The following COX8A variants were observed in gnomAD, a reference collection of about 807,000 sequenced individuals.
COX8A encodes the protein cytochrome c oxidase subunit 8A.
A neutral mutation model predicts 4.4 loss-of-function variants in COX8A; 6 were observed. The observed-to-expected ratio is 1.36, with a 90% CI of 0.74 to 2.68. The LOEUF is 2.68. Among genes scored for constraint, COX8A ranks in the 30% most tolerant of loss-of-function variants. The probability of loss-of-function intolerance (pLI) is 0.00; values close to 1 mark genes in which losing one functional copy is unlikely to be tolerated. For synonymous variants in COX8A, 53 were observed against 47.1 expected, an observed-to-expected ratio of 1.12 and a Z score of -0.51; for missense variants, 72 against 89.6, an observed-to-expected ratio of 0.80 and a Z score of 0.79.
chr11:63,976,302 C>A lies in COX8A; in HGVS notation c.192C>A (p.Thr64=). The change falls in exon 2 of 2, where the codon ACC becomes ACA. Residue 64 remains threonine (T), a synonymous_variant. Coordinates refer to ENST00000314133, the MANE Select transcript of COX8A (RefSeq NM_004074.3). The stretch of plus-strand genomic sequence containing the variant: ...GCTGGATCCTGTCACACCTGGAGAC[C>A]TACAGGAGGCCAGAGTGAAGGGGTC... ...PAGWILSHLE[T]YRRPE is the part of the protein sequence containing the mutation. 2 of 1,614,188 alleles carry A rather than the reference C, an allele frequency of 1.2e-6. No homozygotes were observed. Among genetic ancestry groups the A allele is most frequent in the Non-Finnish European group, 1.7e-6 (2 of 1,180,024 alleles).
chr11:63,975,591 T>G (rs1942533104), intron 1 of COX8A, among the ~76,000 whole-genome samples: 1 of 151,930 alleles, frequency 6.6e-6, no homozygotes, highest in Non-Finnish European at 1.5e-5. Flanking sequence ...TGTTTGTTTT[T>G]TTGAGACGGA....
chr11:63,974,677 C>A lies in COX8A; in HGVS notation c.-4C>A, dbSNP rs1423982998. The A allele has an allele frequency of 1.2e-6, 2 of 1,603,216 alleles. No homozygotes were observed. Among genetic ancestry groups the A allele is most frequent in the Non-Finnish European group, 1.7e-6 (2 of 1,174,594 alleles). ...CCGTTTTTTGTGGTGTACTCCGTGC[C>A]ATCATGTCCGTCCTGACGCCGCTGC... On this transcript the variant is annotated 5_prime_UTR_variant, in exon 1 of 2. Transcript: ENST00000314133.
intron 1 of COX8A, among the ~76,000 whole-genome samples, chr11:63,975,984 T>A (rs1942536605): frequency 6.6e-6 from 1 of 152,128 alleles, no homozygotes; most frequent in Non-Finnish European, 1.5e-5. Context: ...TGTCTCTCCT[T>A]CCTCTCACTC....
intron 1 of COX8A, 142 bp downstream of exon 1, chr11:63,974,936 C>T (rs1026120189): frequency 2.8e-5 from 21 of 750,964 alleles, no homozygotes; most frequent in Non-Finnish European, 4.1e-5. Context: ...GTCTGGAGGG[C>T]GCGAACGACG....
At position 63,974,722 on chromosome 11, in the gene COX8A, C is replaced by T; in HGVS notation, c.42C>T (p.Gly14=). The change falls in exon 1 of 2, where the codon GGC becomes GGT. Residue 14 remains glycine, a synonymous_variant. Transcript: ENST00000314133. The part of the protein sequence containing the change: ...LTPLLLRGLT[G]SARRLPVPRA... ...CGCTGCTGCTGCGGGGCTTGACAGG[C>T]TCGGCCCGGCGGCTCCCAGTGCCGC... is the stretch of plus-strand genomic sequence containing the variant. 6.2e-7 allele frequency: 1 copy of T among 1,608,524 alleles called. No homozygotes were observed. Among genetic ancestry groups the T allele is most frequent in the Non-Finnish European group, 8.5e-7 (1 of 1,177,882 alleles).
In COX8A at chr11:63,976,427, TC is replaced by T. The variant is rs1942541700; in HGVS notation, c.*109del. The T allele has an allele frequency of 1.0e-6, 1 of 972,972 alleles. No individual in the cohort carries two copies. The highest frequency in any genetic ancestry group is 1.9e-5 in the Admixed American group (1 of 52,218). 60.3% of individuals were successfully genotyped at this position (972,972 alleles called of 1,614,324 possible). A position where few individuals can be genotyped will look rare whatever the true frequency, so the allele number is the denominator to read the frequency against. ...CCTCCCCTGGATCATGTCATTCAAT[TC>T]CAGTCACCTCTTCTGCAATCATGAC... On this transcript the variant is annotated 3_prime_UTR_variant, in exon 2 of 2. Coordinates refer to ENST00000314133, the MANE Select transcript of COX8A (RefSeq NM_004074.3).
chr11:63,976,192 T>C, intron 1 of COX8A, 33 bp from the exon 2 acceptor site: 1 of 1,595,148 alleles, frequency 6.3e-7, no homozygotes, highest in South Asian at 1.1e-5. Flanking sequence ...GAATACTGAC[T>C]CCGAGGTGCC....
At position 63,976,343 on chromosome 11, in the gene COX8A, ACT is replaced by A. The variant is rs778677693; in HGVS notation, c.*24_*25del. The A allele has an allele frequency of 7.5e-6, 12 of 1,607,622 alleles. No individual in the cohort carries two copies. The African/African-American group carries it at 9.4e-5, about 13-fold the overall frequency. On this transcript the variant is annotated 3_prime_UTR_variant, in exon 2 of 2. Transcript: ENST00000314133. ...TGAAGGGGTCCGTTCTGTCCCTCAC[ACT>A]GTGACCTGACCAGCCCCACCGGCCC...
chr11:63,974,918 T>A, intron 1 of COX8A, 124 bp downstream of exon 1: 1 of 924,398 alleles, frequency 1.1e-6, no homozygotes, highest in African/African-American at 1.7e-5. Flanking sequence ...CAGTGCCGGT[T>A]TGGGCATGTC....
Position 63,976,486 on chromosome 11 carries a change from G to T in COX8A, c.*166G>T. On this transcript the variant is annotated 3_prime_UTR_variant, in exon 2 of 2. Transcript: ENST00000314133. ...TGTCTCCATGGTGACCTCCTTGGGG[G>T]TCACTGACCCTGCTTGGTGGGGTCC... 1.6e-6 allele frequency: 1 copy of T among 631,276 alleles called. No individual in the cohort carries two copies. The highest frequency in any genetic ancestry group is 2.8e-6 in the Non-Finnish European group (1 of 358,612). 39.1% of individuals were successfully genotyped at this position (631,276 alleles called of 1,614,324 possible).
At chr11:63,975,486 GTT>G (rs1942532245) in intron 1 of COX8A, among the ~76,000 whole-genome samples, 1 of 151,614 alleles carries the variant, frequency 6.6e-6, no homozygotes, top group South Asian at 2.1e-4. Flanking sequence ...CTGGGAGGGG[GTT>G]TTCAGGCAAG....
intron 1 of COX8A, among the ~76,000 whole-genome samples, chr11:63,975,092 A>T (rs535050051): frequency 1.4e-4 from 21 of 151,592 alleles, no homozygotes; most frequent in African/African-American, 4.8e-4. Context: ...AGCCGCTCTG[A>T]GCCCATTTTC....
intron 1 of COX8A, 34 bp downstream of exon 1, chr11:63,974,828 C>G: frequency 6.5e-7 from 1 of 1,536,086 alleles, no homozygotes; most frequent in Non-Finnish European, 8.8e-7. Context: ...GCGGGAGGCG[C>G]CGTGGGCTGA....
In COX8A at chr11:63,976,420, AT is replaced by A. The variant is rs1280297500; in HGVS notation, c.*102del. The A allele has an allele frequency of 1.9e-6, 2 of 1,068,942 alleles. No individual in the cohort carries two copies. The highest frequency in any genetic ancestry group is 2.9e-6 in the Non-Finnish European group (2 of 700,430). 66.2% of individuals were successfully genotyped at this position (1,068,942 alleles called of 1,614,324 possible). ...TGGCCGGCCTCCCCTGGATCATGTC[AT>A]TCAATTCCAGTCACCTCTTCTGCAA... is the stretch of plus-strand genomic sequence containing the variant. On this transcript the variant is annotated 3_prime_UTR_variant, in exon 2 of 2. Coordinates refer to ENST00000314133, the MANE Select transcript of COX8A (RefSeq NM_004074.3).
At position 63,976,250 on chromosome 11, in the gene COX8A, G is replaced by C; in HGVS notation, c.140G>C (p.Cys47Ser). 6.2e-7 allele frequency: 1 copy of C among 1,614,180 alleles called. No homozygotes were observed. The highest frequency in any genetic ancestry group is 8.5e-7 in the Non-Finnish European group (1 of 1,180,042). Residue 47 changes from cysteine to serine, a missense_variant, in exon 2 of 2, where the codon TGC becomes TCC. By Grantham distance (112) the Cys-to-Ser change is moderately radical. Coordinates refer to ENST00000314133, the MANE Select transcript of COX8A (RefSeq NM_004074.3). ...GAATTGGCCGTTGGGCTTACCTCCT[G>C]CTTCGTGACCTTCCTCCTGCCAGCG... is the stretch of plus-strand genomic sequence containing the variant. ...IMELAVGLTS[C>S]FVTFLLPAGW...
rs761946856 is a variant in COX8A, at chr11:63,974,694, C to T, written c.14C>T (p.Thr5Met). The T allele has an allele frequency of 2.5e-6, 4 of 1,608,146 alleles. No homozygotes were observed. In the African/African-American group the frequency reaches 5.3e-5, roughly 21 times the overall value. Residue 5 changes from threonine to methionine, a missense_variant, in exon 1 of 2, where the codon ACG becomes ATG. By Grantham distance (81) the Thr-to-Met change is moderately conservative. Coordinates refer to ENST00000314133, the MANE Select transcript of COX8A (RefSeq NM_004074.3). ...CTCCGTGCCATCATGTCCGTCCTGA[C>T]GCCGCTGCTGCTGCGGGGCTTGACA... is the stretch of plus-strand genomic sequence containing the variant. Reference protein sequence around the residue: MSVLTPLLLRGLTGS... With the variant: MSVLMPLLLRGLTGS...
At position 63,974,671 on chromosome 11, in the gene COX8A, C is replaced by T. The variant is rs1390519410; in HGVS notation, c.-10C>T. ...GGCTGACCGTTTTTTGTGGTGTACT[C>T]CGTGCCATCATGTCCGTCCTGACGC... On this transcript the variant is annotated 5_prime_UTR_variant, in exon 1 of 2. Transcript: ENST00000314133. 3 of 1,598,718 alleles carry T rather than the reference C, an allele frequency of 1.9e-6. No homozygotes were observed. The highest frequency in any genetic ancestry group is 2.6e-6 in the Non-Finnish European group (3 of 1,172,092).
At chr11:63,974,840 C>T in intron 1 of COX8A, 46 bp downstream of exon 1, 1 of 1,492,746 alleles carries the variant, frequency 6.7e-7, no homozygotes, top group Non-Finnish European at 9.0e-7. Flanking sequence ...GTGGGCTGAC[C>T]CCTTCTGCCT....
At chr11:63,974,867 T>A in intron 1 of COX8A, 73 bp downstream of exon 1, 1 of 1,307,774 alleles carries the variant, frequency 7.6e-7, no homozygotes, top group Non-Finnish European at 1.0e-6. Context: ...CCTCAGGTGG[T>A]CCTGAGAATG....
Sources: allele counts gnomAD v4.1 joint callset (sites outside exome capture counted in the v4.1 genomes callset), GRCh38; gene constraint gnomAD v4.1.1; transcripts MANE v1.5; gene names NCBI Gene and HGNC (gene_info 2026-07-23, HGNC 2026-07-21).